TSPAN31: variants seen among roughly 807,000 people sequenced by gnomAD.
TSPAN31 encodes the protein tetraspanin-31.
A neutral mutation model predicts 24.8 loss-of-function variants in TSPAN31; 16 were observed. That is an observed-to-expected ratio of 0.64 (90% CI 0.44 to 0.98). The LOEUF is 0.98. Among genes scored for constraint, TSPAN31 ranks in the 50% least tolerant of loss-of-function variants. TSPAN31 has a pLI of 0.00. For synonymous variants in TSPAN31, 87 were observed against 91.4 expected, an observed-to-expected ratio of 0.95 and a Z score of 0.27; for missense variants, 209 against 251.6, an observed-to-expected ratio of 0.83 and a Z score of 1.15.
At position 57,746,582 on chromosome 12, in the gene TSPAN31, C is replaced by T. The variant is rs952495623; in HGVS notation, c.313-7C>T. ...AGACTTAATTTCCCTCTACCCATAT[C>T]TTTCAGACAGATGTCATCAATGCTT... On this transcript the variant is annotated splice_polypyrimidine_tract_variant and splice_region_variant and intron_variant, in intron 3 of 5. Coordinates refer to ENST00000257910, the MANE Select transcript of TSPAN31 (RefSeq NM_005981.5). 2.5e-6 allele frequency: 4 copies of T among 1,614,118 alleles called. No homozygotes were observed. The highest frequency in any genetic ancestry group is 3.4e-6 in the Non-Finnish European group (4 of 1,180,026).
In TSPAN31 at chr12:57,749,734, C is replaced by G. The variant is rs1179794801; in HGVS notation, c.*2444C>G. 1.7e-6 allele frequency: 1 copy of G among 579,388 alleles called. No individual in the cohort carries two copies. Among genetic ancestry groups the G allele is most frequent in the Non-Finnish European group, 3.1e-6 (1 of 326,270 alleles). 35.9% of individuals were successfully genotyped at this position (579,388 alleles called of 1,614,324 possible). Reference sequence around the variant, plus strand: ...AAAAGAAATGCCAGGTGCAGCGGCTCACGCCTGTAATCCTAGCACTTTGGG... The same window carrying G: ...AAAAGAAATGCCAGGTGCAGCGGCTGACGCCTGTAATCCTAGCACTTTGGG... On this transcript the variant is annotated 3_prime_UTR_variant, in exon 6 of 6. Transcript: ENST00000257910.
Position 57,749,502 on chromosome 12 carries a change from G to T in TSPAN31, c.*2212G>T, listed in dbSNP as rs1307245862. 6.2e-7 allele frequency: 1 copy of T among 1,614,002 alleles called. No homozygotes were observed. On this transcript the variant is annotated 3_prime_UTR_variant, in exon 6 of 6. Transcript: ENST00000257910. ...GGCTTCAGAGTTTCCACAGAAGAGA[G>T]GCCTAAGGTGAGAAGGGATATAAGG...
rs1955199432 is a variant in TSPAN31, at chr12:57,749,176, C to T, written c.*1886C>T. On this transcript the variant is annotated 3_prime_UTR_variant, in exon 6 of 6. Coordinates refer to ENST00000257910, the MANE Select transcript of TSPAN31 (RefSeq NM_005981.5). ...CTTTCCCTGTGCCCACAGCCATCTCCAGTACCAGCAGCAGCTGTGCTCCCG... is the reference window on the plus strand; with the variant it reads ...CTTTCCCTGTGCCCACAGCCATCTCTAGTACCAGCAGCAGCTGTGCTCCCG... 6.2e-7 allele frequency: 1 copy of T among 1,614,042 alleles called. No individual in the cohort carries two copies. The highest frequency in any genetic ancestry group is 8.5e-7 in the Non-Finnish European group (1 of 1,179,868).
Position 57,747,808 on chromosome 12 carries a change from T to C in TSPAN31, c.*518T>C. 1 of 167,876 alleles carries C rather than the reference T, an allele frequency of 6.0e-6. No homozygotes were observed. Among genetic ancestry groups the C allele is most frequent in the East Asian group, 1.3e-4 (1 of 7,726 alleles). The allele number at this position is 167,876 out of a possible 1,614,324, so 10.4% of individuals were successfully genotyped here. A position where few individuals can be genotyped will look rare whatever the true frequency, so the allele number is the denominator to read the frequency against. On this transcript the variant is annotated 3_prime_UTR_variant, in exon 6 of 6. Transcript: ENST00000257910. ...CCCAGGCTGGAGTGCAATGGCATGA[T>C]CTCGGCTCACCGCAACCTCTGCCTC...
In TSPAN31 at chr12:57,746,269, C is replaced by T; in HGVS notation, c.312+13C>T. 1 of 1,609,380 alleles carries T rather than the reference C, an allele frequency of 6.2e-7. No homozygotes were observed. The highest frequency in any genetic ancestry group is 1.7e-4 in the Middle Eastern group (1 of 6,052). On this transcript the variant is annotated intron_variant, in intron 3 of 5. Coordinates refer to ENST00000257910, the MANE Select transcript of TSPAN31 (RefSeq NM_005981.5). ...CCGAAGCAAACAGGTAAGACAGTACCCTTTCAAGTACTTACTTGCTTTTTA... is the reference window on the plus strand; with the variant it reads ...CCGAAGCAAACAGGTAAGACAGTACTCTTTCAAGTACTTACTTGCTTTTTA...
Position 57,745,174 on chromosome 12 carries a change from C to A in TSPAN31, c.20C>A (p.Ala7Asp). 6.2e-7 allele frequency: 1 copy of A among 1,603,626 alleles called. No homozygotes were observed. Among genetic ancestry groups the A allele is most frequent in the South Asian group, 1.1e-5 (1 of 89,278 alleles). Residue 7 changes from alanine to aspartate, a missense_variant, in exon 1 of 6, where the codon GCC (alanine) becomes GAC (aspartate). Physicochemically the swap from Ala to Asp is moderately radical, Grantham distance 126 (BLOSUM62 -2). Transcript: ENST00000257910. MVCGGF[A>D]CSKNALCALN... is the part of the protein sequence containing the mutation. ...GGGGAGATGGTTTGTGGCGGCTTTGCCTGCTCCAAGAATGCGCTTTGCGCT... is the reference window on the plus strand; with the variant it reads ...GGGGAGATGGTTTGTGGCGGCTTTGACTGCTCCAAGAATGCGCTTTGCGCT...
At chr12:57,746,982 A>T in intron 4 of TSPAN31, 36 bp from the exon 5 acceptor site, 1 of 1,583,532 alleles carries the variant, frequency 6.3e-7, no homozygotes, top group African/African-American at 1.3e-5. Flanking sequence ...GCAACTTTAC[A>T]TTCACAACTT....
At chr12:57,746,793 A>G in intron 4 of TSPAN31, 73 bp downstream of exon 4, 1 of 1,599,674 alleles carries the variant, frequency 6.3e-7, no homozygotes. Flanking sequence ...CAAGTTGGCA[A>G]ATTTAGTTTG....
Position 57,750,153 on chromosome 12 carries a change from CAATAAATAAATA to C in TSPAN31, c.*2898_*2909del, listed in dbSNP as rs140233512. On this transcript the variant is annotated 3_prime_UTR_variant, in exon 6 of 6. Coordinates refer to ENST00000257910, the MANE Select transcript of TSPAN31 (RefSeq NM_005981.5). ...TGGGTGACAGAGTGAAACCTTATCT[CAATAAATAAATA>C]AATAAATAAATAAATAAATAAATAA... 0.29 allele frequency: 41,462 copies of C among 141,926 alleles called. 6,816 individuals carry two copies. The highest frequency in any genetic ancestry group is 0.66 in the East Asian group (3,271 of 4,970). The allele number at this position is 141,926 out of a possible 1,614,324, so 8.8% of individuals were successfully genotyped here.
Position 57,746,634 on chromosome 12 carries a change from C to T in TSPAN31, c.358C>T (p.Arg120Trp), listed in dbSNP as rs748465963. Reference sequence around the variant, plus strand: ...TTGGTGGGTCATGAGCAACAAGACTCGGGATGAACTGGAAAGAAGTTTTGA... The same window carrying T: ...TTGGTGGGTCATGAGCAACAAGACTTGGGATGAACTGGAAAGAAGTTTTGA... ...ASWWVMSNKTRDELERSFDCC... is the reference protein window; with the variant it reads ...ASWWVMSNKTWDELERSFDCC... Residue 120 changes from arginine to tryptophan, a missense_variant, in exon 4 of 6, where the codon CGG becomes TGG. Physicochemically the swap from Arg to Trp is moderately radical, Grantham distance 101 (BLOSUM62 -3). Transcript: ENST00000257910. 5.6e-6 allele frequency: 9 copies of T among 1,614,078 alleles called. No homozygotes were observed. The highest frequency in any genetic ancestry group is 7.6e-6 in the Non-Finnish European group (9 of 1,180,026).
At position 57,748,701 on chromosome 12, in the gene TSPAN31, CTTTTTTCT is replaced by C; in HGVS notation, c.*1418_*1425del. 2.4e-6 allele frequency: 2 copies of C among 827,084 alleles called. No homozygotes were observed. The highest frequency in any genetic ancestry group is 4.0e-6 in the Non-Finnish European group (2 of 495,228). The allele number at this position is 827,084 out of a possible 1,614,324, so 51.2% of individuals were successfully genotyped here. The stretch of plus-strand genomic sequence containing the variant: ...AACAATACCTGGGATGAGCTTTCTT[CTTTTTTCT>C]TTTTTTTTTTTTTTGAGACGGAGTC... On this transcript the variant is annotated 3_prime_UTR_variant, in exon 6 of 6. Transcript: ENST00000257910.
chr12:57,745,655 C>T, intron 1 of TSPAN31, 90 bp from the exon 2 acceptor site: 4 of 1,502,694 alleles, frequency 2.7e-6, no homozygotes, highest in Non-Finnish European at 3.6e-6. Flanking sequence ...ATTATTCCTT[C>T]CCCCTGCCCC....
Position 57,748,859 on chromosome 12 carries a change from C to T in TSPAN31, c.*1569C>T, listed in dbSNP as rs1394945532. 7 of 552,002 alleles carry T rather than the reference C, an allele frequency of 1.3e-5. No homozygotes were observed. Among genetic ancestry groups the T allele is most frequent in the Non-Finnish European group, 2.3e-5 (7 of 309,466 alleles). The allele number at this position is 552,002 out of a possible 1,614,324, so 34.2% of individuals were successfully genotyped here. On this transcript the variant is annotated 3_prime_UTR_variant, in exon 6 of 6. Transcript: ENST00000257910. ...TAGCTGAGATTACAGGCGTGTGCCA[C>T]CACCCCCGGCTTATTTTTGTACTTT...
chr12:57,748,285 T>C lies in TSPAN31; in HGVS notation c.*995T>C. On this transcript the variant is annotated 3_prime_UTR_variant, in exon 6 of 6. Transcript: ENST00000257910. ...TTCCTGTATAAAAAAGGACCCCAAA[T>C]ATAAAGGTAGGGAAAGGGACAAGAG... The C allele has an allele frequency of 2.3e-6, 1 of 426,764 alleles. No homozygotes were observed. Among genetic ancestry groups the C allele is most frequent in the East Asian group, 3.7e-5 (1 of 26,958 alleles). 26.4% of individuals were successfully genotyped at this position (426,764 alleles called of 1,614,324 possible).
rs2140384165 is a variant in TSPAN31, at chr12:57,749,557, G to A, written c.*2267G>A. 2.0e-6 allele frequency: 3 copies of A among 1,534,192 alleles called. No individual in the cohort carries two copies. Among genetic ancestry groups the A allele is most frequent in the Non-Finnish European group, 2.7e-6 (3 of 1,107,748 alleles). On this transcript the variant is annotated 3_prime_UTR_variant, in exon 6 of 6. Transcript: ENST00000257910. ...AGTCATTTTCAAAGATATCTTAGTTGAATGGTTACTGCTTAGTGGCTCAAA... is the reference window on the plus strand; with the variant it reads ...AGTCATTTTCAAAGATATCTTAGTTAAATGGTTACTGCTTAGTGGCTCAAA...
Position 57,749,969 on chromosome 12 carries a change from C to T in TSPAN31, c.*2679C>T, listed in dbSNP as rs1421278880. ...CAGAGATCGCACTACTGCACTCCAG[C>T]CTGGCGACAGAGCAAGACTCCATCT... is the stretch of plus-strand genomic sequence containing the variant. On this transcript the variant is annotated 3_prime_UTR_variant, in exon 6 of 6. Coordinates refer to ENST00000257910, the MANE Select transcript of TSPAN31 (RefSeq NM_005981.5). 1.1e-5 allele frequency: 2 copies of T among 182,136 alleles called. No homozygotes were observed. The highest frequency in any genetic ancestry group is 4.8e-5 in the African/African-American group (2 of 41,580). 11.3% of individuals were successfully genotyped at this position (182,136 alleles called of 1,614,324 possible). A position where few individuals can be genotyped will look rare whatever the true frequency, so the allele number is the denominator to read the frequency against.
intron 1 of TSPAN31, 176 bp from the exon 2 acceptor site, chr12:57,745,560 CCTAGCCATT>C (rs1259738041): frequency 5.6e-6 from 4 of 708,060 alleles, no homozygotes; most frequent in Non-Finnish European, 9.3e-6. Flanking sequence ...TCCCCGCCAT[CCTAGCCATT>C]CTAACCTTTG....
Position 57,746,169 on chromosome 12 carries a change from C to G in TSPAN31, c.232-7C>G. On this transcript the variant is annotated splice_region_variant and splice_polypyrimidine_tract_variant and intron_variant, in intron 2 of 5. Coordinates refer to ENST00000257910, the MANE Select transcript of TSPAN31 (RefSeq NM_005981.5). The stretch of plus-strand genomic sequence containing the variant: ...CTAGGACTTTTTTCCATAACCTTTC[C>G]TCTCAGTACATGATCATCCTTGGTT... 1 of 1,612,936 alleles carries G rather than the reference C, an allele frequency of 6.2e-7. No individual in the cohort carries two copies. Among genetic ancestry groups the G allele is most frequent in the Non-Finnish European group, 8.5e-7 (1 of 1,178,952 alleles).
intron 3 of TSPAN31, 46 bp downstream of exon 3, chr12:57,746,302 C>T (rs1955149621): frequency 6.4e-7 from 1 of 1,553,578 alleles, no homozygotes; most frequent in African/African-American, 1.4e-5. Flanking sequence ...TTAAAATTTT[C>T]CTCTTAACCT....
Sources: allele counts gnomAD v4.1 joint callset, GRCh38; gene constraint gnomAD v4.1.1; transcripts MANE v1.5; gene names NCBI Gene and HGNC (gene_info 2026-07-23, HGNC 2026-07-21).